Variants in MAP2K4 observed in about 807,000 individuals in gnomAD.
MAP2K4 encodes the protein dual specificity mitogen-activated protein kinase kinase 4.
In MAP2K4, 4 loss-of-function variants were observed where a neutral mutation model predicts 48.5. That is an observed-to-expected ratio of 0.08 (90% confidence interval 0.04 to 0.19). The LOEUF (loss-of-function observed/expected upper bound fraction) is 0.19. Ranked by LOEUF, MAP2K4 falls within the 10% of genes least tolerant of loss-of-function variation. The pLI is 1.00. For missense variants in MAP2K4, 258 were observed against 493.3 expected (o/e 0.52, Z 4.52); for synonymous variants, 166 against 173.1 (o/e 0.96, Z 0.32).
At chr17:12,099,437 T>C (rs1011763838) in intron 4 of MAP2K4, among the ~76,000 whole-genome samples, 1 of 152,176 alleles carries the variant, frequency 6.6e-6, no homozygotes, top group African/African-American at 2.4e-5. Context: ...AAATGGTAGT[T>C]CCACTAATTA....
chr17:12,075,566 A>C (rs1007926359), intron 2 of MAP2K4, among the ~76,000 whole-genome samples: 1 of 152,236 alleles, frequency 6.6e-6, no homozygotes, highest in African/African-American at 2.4e-5. Flanking sequence ...AGGAAGGCTC[A>C]GGGGCGCTAT....
intron 3 of MAP2K4, among the ~76,000 whole-genome samples, chr17:12,083,219 G>T (rs1039456628): frequency 1.3e-5 from 2 of 152,088 alleles, no homozygotes; most frequent in African/African-American, 4.8e-5. Flanking sequence ...AGGTAAAGAG[G>T]GTACTTCCTT....
chr17:12,057,088 A>C (rs528768928), intron 2 of MAP2K4, among the ~76,000 whole-genome samples: 1 of 152,096 alleles, frequency 6.6e-6, no homozygotes, highest in Non-Finnish European at 1.5e-5. Context: ...ATCCTTTGCA[A>C]GATTAAAAAA....
chr17:12,026,846 A>G (rs1299126944), intron 1 of MAP2K4: 1 of 152,212 alleles, frequency 6.6e-6, no homozygotes, highest in Admixed American at 6.5e-5. Context: ...GGTGCACTTC[A>G]TGTTACAATG....
intron 2 of MAP2K4, among the ~76,000 whole-genome samples, chr17:12,066,394 A>T (rs937958662): frequency 8.5e-5 from 13 of 152,150 alleles, no homozygotes; most frequent in Non-Finnish European, 1.6e-4. Flanking sequence ...ATTTATATAG[A>T]TCCTTAAAGA....
chr17:12,097,667 C>T (rs976436166), intron 4 of MAP2K4, among the ~76,000 whole-genome samples: 1 of 152,290 alleles, frequency 6.6e-6, no homozygotes, highest in African/African-American at 2.4e-5. Context: ...GTTTTCTTCC[C>T]AGTAATCTTC....
At chr17:12,052,895 A>G (rs112281204) in intron 1 of MAP2K4, among the ~76,000 whole-genome samples, 3 of 152,240 alleles carry the variant, frequency 2.0e-5, no homozygotes, top group African/African-American at 7.2e-5. Context: ...TCTGGGCCCC[A>G]AATATTCATA....
At chr17:12,091,310 A>G (rs1465468868) in intron 3 of MAP2K4, among the ~76,000 whole-genome samples, 2 of 152,220 alleles carry the variant, frequency 1.3e-5, no homozygotes, top group South Asian at 2.1e-4. Context: ...CCTTTCAACA[A>G]CTTGGAATTT....
chr17:12,021,081 C>G (rs1328977225), intron 1 of MAP2K4, 80 bp downstream of exon 1: 1 of 860,704 alleles, frequency 1.2e-6, no homozygotes, highest in Non-Finnish European at 1.5e-6. Context: ...AGCGGACGCC[C>G]CCGGACCCGG....
At chr17:12,037,209 G>A (rs1256860340) in intron 1 of MAP2K4, among the ~76,000 whole-genome samples, 1 of 152,042 alleles carries the variant, frequency 6.6e-6, no homozygotes, top group Non-Finnish European at 1.5e-5. Context: ...GAGGCATCCT[G>A]GAGACTGATT....
chr17:12,133,511 G>A (rs1011416083), intron 9 of MAP2K4, among the ~76,000 whole-genome samples: 1 of 152,186 alleles, frequency 6.6e-6, no homozygotes, highest in Non-Finnish European at 1.5e-5. Context: ...TCTAGGGCCT[G>A]TTCAGTGGTC....
intron 2 of MAP2K4, among the ~76,000 whole-genome samples, chr17:12,059,900 G>C (rs887643378): frequency 6.6e-6 from 1 of 152,138 alleles, no homozygotes; most frequent in Non-Finnish European, 1.5e-5. Context: ...TGACGAGGCC[G>C]GGCACAGTTG....
At chr17:12,045,342 A>G in intron 1 of MAP2K4, among the ~76,000 whole-genome samples, 1 of 152,200 alleles carries the variant, frequency 6.6e-6, no homozygotes, top group East Asian at 1.9e-4. Context: ...GGCATTTACC[A>G]AGCAGGAAAA....
At position 12,142,307 on chromosome 17, in the gene MAP2K4, C is replaced by G. The variant is rs1597512345; in HGVS notation, c.*1047C>G. The G allele has an allele frequency of 8.6e-6, 2 of 233,456 alleles. No individual in the cohort carries two copies. The highest frequency in any genetic ancestry group is 1.2e-4 in the East Asian group (2 of 16,578). 14.5% of individuals were successfully genotyped at this position (233,456 alleles called of 1,614,324 possible). A position where few individuals can be genotyped will look rare whatever the true frequency, so the allele number is the denominator to read the frequency against. On this transcript the variant is annotated 3_prime_UTR_variant, in exon 11 of 11. Transcript: ENST00000353533. ...AGATTTCTAGTAGGCAGCAAAAGAC[C>G]AAATCTCAGTTGTTTGCTTCTTGCC...
intron 1 of MAP2K4, among the ~76,000 whole-genome samples, chr17:12,048,617 A>G (rs1344615383): frequency 6.6e-6 from 1 of 152,028 alleles, no homozygotes; most frequent in African/African-American, 2.4e-5. Context: ...AATACCTGAT[A>G]TTGCGAGTCT....
intron 1 of MAP2K4, among the ~76,000 whole-genome samples, chr17:12,043,049 A>G (rs1164940699): frequency 6.6e-6 from 1 of 151,926 alleles, no homozygotes; most frequent in Admixed American, 6.6e-5. Context: ...TCCGTCTCAA[A>G]AAAAAAAAAA....
intron 4 of MAP2K4, among the ~76,000 whole-genome samples, chr17:12,098,892 TATTTA>T (rs1287599396): frequency 6.6e-6 from 1 of 152,174 alleles, no homozygotes; most frequent in African/African-American, 2.4e-5. Flanking sequence ...ACTATTTATT[TATTTA>T]AATTTAAATG....
chr17:12,141,052 G>T, intron 10 of MAP2K4, 95 bp from the exon 11 acceptor site: 1 of 739,542 alleles, frequency 1.4e-6, no homozygotes, highest in Admixed American at 2.0e-5. Context: ...TGTGTGGTTG[G>T]GAGCCTGGAG....
At chr17:12,032,246 A>G in intron 1 of MAP2K4, 1 of 1,391,704 alleles carries the variant, frequency 7.2e-7, no homozygotes, top group Non-Finnish European at 9.5e-7. Context: ...ATGAACTGGA[A>G]CTTATCTTTT....
Sources: gnomAD v4.1 joint callset for allele counts (sites outside exome capture counted in the v4.1 genomes callset) on GRCh38, gnomAD v4.1.1 for gene constraint, MANE v1.5 for transcripts, NCBI Gene and HGNC (gene_info 2026-07-23, HGNC 2026-07-21) for gene names.